Variants in RAB3GAP1 observed in about 807,000 individuals in gnomAD.
RAB3GAP1 encodes rab3 GTPase-activating protein catalytic subunit.
Under a neutral mutation model 130.7 loss-of-function variants are expected in RAB3GAP1, and 86 were observed. The observed-to-expected ratio is 0.66, with a 90% CI of 0.55 to 0.79. RAB3GAP1 has a LOEUF of 0.79. RAB3GAP1 is among the 30% of genes least tolerant of loss of function. The pLI, the probability that RAB3GAP1 is intolerant of heterozygous loss-of-function variation, is 0.00. For synonymous variants in RAB3GAP1, 367 were observed against 401.7 expected (o/e 0.91, Z 1.03); for missense variants, 1,029 against 1,169.4 (o/e 0.88, Z 1.75).
intron 8 of RAB3GAP1, among the ~76,000 whole-genome samples, chr2:135,123,412 T>C (rs1691258418): frequency 6.6e-6 from 1 of 152,240 alleles, no homozygotes; most frequent in African/African-American, 2.4e-5. Flanking sequence ...TTTAATCATT[T>C]ACTTAGGATG....
At chr2:135,136,919 T>C (rs1379805702) in intron 17 of RAB3GAP1, 2 of 234,102 alleles carry the variant, frequency 8.5e-6, no homozygotes, top group Non-Finnish European at 1.7e-5. Flanking sequence ...AAACACCTCA[T>C]CTCCACAAAA....
intron 5 of RAB3GAP1, among the ~76,000 whole-genome samples, chr2:135,108,163 C>T (rs1427751589): frequency 6.6e-6 from 1 of 151,892 alleles, no homozygotes; most frequent in Non-Finnish European, 1.5e-5. Context: ...GATTGTCCTA[C>T]CTTTCTCATT....
Position 135,162,612 on chromosome 2 carries a change from T to A in RAB3GAP1, c.2347T>A (p.Cys783Ser). The A allele has an allele frequency of 6.2e-7, 1 of 1,614,128 alleles. No individual in the cohort carries two copies. Among genetic ancestry groups the A allele is most frequent in the Non-Finnish European group, 8.5e-7 (1 of 1,179,990 alleles). ...PADLARHLLPCVIHAAVLKVK... is the reference protein window; with the variant it reads ...PADLARHLLPSVIHAAVLKVK... ...AGACCTTGCTCGGCACCTGTTACCTTGTGTGATTCATGCAGCTGTACTCAA... is the reference window on the plus strand; with the variant it reads ...AGACCTTGCTCGGCACCTGTTACCTAGTGTGATTCATGCAGCTGTACTCAA... The change falls in exon 20 of 24, where the codon TGT (cysteine) becomes AGT (serine). Residue 783 changes from cysteine (C) to serine (S), a missense_variant. Transcript: ENST00000264158.
chr2:135,066,426 C>G (rs1689325226), intron 3 of RAB3GAP1, among the ~76,000 whole-genome samples: 1 of 152,196 alleles, frequency 6.6e-6, no homozygotes, highest in Admixed American at 6.5e-5. Flanking sequence ...CTTAAACAGA[C>G]TTCAACAGTT....
At position 135,141,342 on chromosome 2, in the gene RAB3GAP1, A is replaced by G. The variant is rs1451388648; in HGVS notation, c.1923+5410A>G. ...CGGGTTCAAGCGATTCTCCTGCCTCAGCCTCCCGAGTAGCTGGGACTACAG... is the reference window on the plus strand; with the variant it reads ...CGGGTTCAAGCGATTCTCCTGCCTCGGCCTCCCGAGTAGCTGGGACTACAG... On this transcript the variant is annotated intron_variant, in intron 17 of 23. Transcript: ENST00000264158. Among the ~76,000 whole-genome samples the G allele has an allele frequency of 2.0e-5, 3 of 150,946 alleles. No individual in the cohort carries two copies. In the South Asian group the frequency reaches 6.3e-4, roughly 31 times the overall value.
chr2:135,059,826 G>C (rs1246167845), intron 3 of RAB3GAP1, among the ~76,000 whole-genome samples: 3 of 152,120 alleles, frequency 2.0e-5, no homozygotes, highest in African/African-American at 7.2e-5. Context: ...CTCCCTACTA[G>C]ATAGTAGTAC....
At chr2:135,165,745 A>G (rs142568723) in intron 23 of RAB3GAP1, among the ~76,000 whole-genome samples, 108 of 152,284 alleles carry the variant, frequency 7.1e-4, no homozygotes, top group Admixed American at 1.7e-3. Context: ...TGGCATGAAA[A>G]CAAGAACCGA....
chr2:135,115,186 A>G (rs371907935), intron 6 of RAB3GAP1, 30 bp from the exon 7 acceptor site: 1 of 1,584,254 alleles, frequency 6.3e-7, no homozygotes, highest in Non-Finnish European at 8.7e-7. Context: ...ATGAGCTTGT[A>G]TTCCATTCCT....
intron 23 of RAB3GAP1, chr2:135,165,270 A>G (rs1262750070): frequency 5.0e-6 from 2 of 403,290 alleles, no homozygotes; most frequent in Non-Finnish European, 9.6e-6. Flanking sequence ...GTGAAAGTAA[A>G]GATTTTAAAA....
At chr2:135,068,738 G>T (rs957630872) in intron 3 of RAB3GAP1, among the ~76,000 whole-genome samples, 17 of 152,294 alleles carry the variant, frequency 1.1e-4, no homozygotes, top group African/African-American at 3.4e-4. Flanking sequence ...CGGTGACAGA[G>T]TGAGACTCCA....
intron 3 of RAB3GAP1, among the ~76,000 whole-genome samples, chr2:135,079,946 T>A (rs1201191611): frequency 6.6e-6 from 1 of 151,932 alleles, no homozygotes; most frequent in Non-Finnish European, 1.5e-5. Flanking sequence ...TGAAACCCTG[T>A]CTCTACTAAA....
intron 3 of RAB3GAP1, among the ~76,000 whole-genome samples, chr2:135,080,149 A>C (rs2104856291): frequency 6.6e-6 from 1 of 151,480 alleles, no homozygotes; most frequent in African/African-American, 2.4e-5. Flanking sequence ...TGAGGTTAAT[A>C]CTTAACCTCA....
chr2:135,154,883 T>C (rs1692267904), intron 19 of RAB3GAP1, among the ~76,000 whole-genome samples: 1 of 152,098 alleles, frequency 6.6e-6, no homozygotes, highest in Non-Finnish European at 1.5e-5. Flanking sequence ...GCCTCCCTCA[T>C]CTCCCTCTAT....
At chr2:135,087,432 G>C (rs1445403073) in intron 3 of RAB3GAP1, among the ~76,000 whole-genome samples, 9 of 152,212 alleles carry the variant, frequency 5.9e-5, no homozygotes, top group Non-Finnish European at 1.0e-4. Context: ...GCCTGTTGCT[G>C]ATGTTTTGAT....
At chr2:135,132,736 T>C (rs113816804) in intron 13 of RAB3GAP1, among the ~76,000 whole-genome samples, 159 bp from the exon 14 acceptor site, 11 of 152,068 alleles carry the variant, frequency 7.2e-5, no homozygotes, top group African/African-American at 2.7e-4. Flanking sequence ...ATAGAAAAAA[T>C]TTGAGAGTGT....
At chr2:135,138,375 G>T (rs757432933) in intron 17 of RAB3GAP1, among the ~76,000 whole-genome samples, 5 of 151,744 alleles carry the variant, frequency 3.3e-5, no homozygotes, top group Non-Finnish European at 7.4e-5. Flanking sequence ...AATTGAGCCC[G>T]GGAGGTTAAG....
intron 9 of RAB3GAP1, 33 bp downstream of exon 9, chr2:135,124,279 G>A: frequency 6.3e-7 from 1 of 1,576,270 alleles, no homozygotes. Context: ...TGAATTGTGG[G>A]AATATTTTAC....
intron 19 of RAB3GAP1, among the ~76,000 whole-genome samples, chr2:135,157,514 A>C (rs994398448): frequency 2.0e-5 from 3 of 152,116 alleles, no homozygotes; most frequent in Non-Finnish European, 4.4e-5. Context: ...GTATACTGTC[A>C]GTTGTGGTGG....
intron 5 of RAB3GAP1, among the ~76,000 whole-genome samples, chr2:135,096,295 A>G (rs974588645): frequency 4.6e-5 from 7 of 152,188 alleles, no homozygotes; most frequent in Admixed American, 2.6e-4. Context: ...TTTTAAATTA[A>G]AGAATTCTAA....
Sources: gnomAD v4.1 joint callset for allele counts (sites outside exome capture counted in the v4.1 genomes callset) on GRCh38, gnomAD v4.1.1 for gene constraint, MANE v1.5 for transcripts, NCBI Gene and HGNC (gene_info 2026-07-23, HGNC 2026-07-21) for gene names.